The following PCDHGB5 variants were observed in gnomAD, a reference collection of about 807,000 sequenced individuals.
The protein encoded by PCDHGB5 is protocadherin gamma-B5.
PCDHGB5 carries 48 observed loss-of-function variants against 62.9 expected under a neutral mutation model. The ratio of observed to expected loss-of-function variants is 0.76; its 90% CI spans 0.61 to 0.97. The LOEUF (loss-of-function observed/expected upper bound fraction) is 0.97. PCDHGB5 is among the 50% of genes least tolerant of loss of function. The probability of loss-of-function intolerance (pLI) is 0.00; values close to 1 mark genes in which losing one functional copy is unlikely to be tolerated. For missense variants in PCDHGB5, 1,118 were observed against 1,198.6 expected (o/e 0.93, Z 0.99); for synonymous variants, 474 against 511.2 (o/e 0.93, Z 0.98).
At position 141,487,790 on chromosome 5, in the gene PCDHGB5, C is replaced by T. The variant is rs1360781901; in HGVS notation, c.2398-7017C>T. 6.6e-7 allele frequency: 1 copy of T among 1,511,992 alleles called. No individual in the cohort carries two copies. Among genetic ancestry groups the T allele is most frequent in the Non-Finnish European group, 8.9e-7 (1 of 1,120,458 alleles). The allele number at this position is 1,511,992 out of a possible 1,614,324, so 93.7% of individuals were successfully genotyped here. ...GCTTTGTAACTGTTTCGTGAATTAA[C>T]CAGAGTTGTCACAGTTTAGCATTGG... On this transcript the variant is annotated intron_variant, in intron 1 of 3. Coordinates refer to ENST00000617380, the MANE Select transcript of PCDHGB5 (RefSeq NM_018925.3). This position sits in a 1 kb window ranked among gnomAD's most constrained non-coding sequence, Gnocchi z 5.0.
At chr5:141,421,296 G>C in intron 1 of PCDHGB5, 1 of 1,613,444 alleles carries the variant, frequency 6.2e-7, no homozygotes, top group Non-Finnish European at 8.5e-7. Context: ...TCCTGGGGAC[G>C]CTGCGGGGGT....
intron 1 of PCDHGB5, chr5:141,427,176 G>A (rs777424789): frequency 2.2e-6 from 1 of 456,742 alleles, no homozygotes; most frequent in Non-Finnish European, 4.4e-6. Context: ...TCAAAATGGG[G>A]AAATTAAATC....
chr5:141,476,062 A>G lies in PCDHGB5; in HGVS notation c.2398-18745A>G, dbSNP rs2099384587. On this transcript the variant is annotated intron_variant, in intron 1 of 3. Coordinates refer to ENST00000617380, the MANE Select transcript of PCDHGB5 (RefSeq NM_018925.3). This position sits in a 1 kb window ranked among gnomAD's most constrained non-coding sequence, Gnocchi z 7.6. ...AGCGCTAACCCGCTGAAAGTTTCTC[A>G]GCGAAATCTCAGGGACGATCTGGAC... The G allele has an allele frequency of 1.8e-5, 27 of 1,509,766 alleles. No individual in the cohort carries two copies. Among genetic ancestry groups the G allele is most frequent in the Non-Finnish European group, 2.3e-5 (26 of 1,136,920 alleles). The allele number at this position is 1,509,766 out of a possible 1,614,324, so 93.5% of individuals were successfully genotyped here.
chr5:141,420,364 A>G (rs942479456), intron 1 of PCDHGB5: 8 of 1,368,440 alleles, frequency 5.8e-6, no homozygotes, highest in African/African-American at 3.0e-5. Flanking sequence ...ATTCTAGATA[A>G]CTTCTTCATA....
At position 141,464,036 on chromosome 5, in the gene PCDHGB5, G is replaced by A. The variant is rs907276618; in HGVS notation, c.2398-30771G>A. On this transcript the variant is annotated intron_variant, in intron 1 of 3. Coordinates refer to ENST00000617380, the MANE Select transcript of PCDHGB5 (RefSeq NM_018925.3). ...ATCCCACACTTTGGGAGGCCAAGGC[G>A]GGTGGATCACCTGAGGTCAGGAGTT... Among the ~76,000 whole-genome samples the A allele has an allele frequency of 2.6e-5, 4 of 152,096 alleles. No individual in the cohort carries two copies. The East Asian group carries it at 5.8e-4, about 22-fold the overall frequency.
intron 1 of PCDHGB5, among the ~76,000 whole-genome samples, chr5:141,425,111 A>G (rs2096857405): frequency 6.6e-6 from 1 of 152,144 alleles, no homozygotes; most frequent in Admixed American, 6.5e-5. Context: ...AGATGCCTAC[A>G]TTTTTCTTGA....
chr5:141,433,358 C>CGTAT, intron 1 of PCDHGB5: 1 of 503,368 alleles, frequency 2.0e-6, no homozygotes, highest in Non-Finnish European at 3.5e-6. Context: ...CTACTGTCTG[C>CGTAT]CTATCTATCT....
chr5:141,402,352 T>G (rs949706048), intron 1 of PCDHGB5, among the ~76,000 whole-genome samples: 1 of 151,978 alleles, frequency 6.6e-6, no homozygotes, highest in Non-Finnish European at 1.5e-5. Flanking sequence ...AAATTAAAAA[T>G]GAATGTACTT....
intron 1 of PCDHGB5, among the ~76,000 whole-genome samples, chr5:141,465,094 G>GT (rs138941665): frequency 0.11 from 15,577 of 148,094 alleles, 909 homozygotes; most frequent in African/African-American, 0.15. Flanking sequence ...TTTTCTAGTA[G>GT]TTTTTTTTTT....
chr5:141,402,098 C>G (rs2094224797), intron 1 of PCDHGB5, among the ~76,000 whole-genome samples: 1 of 152,048 alleles, frequency 6.6e-6, no homozygotes, highest in Non-Finnish European at 1.5e-5. Context: ...AAAGTTTAAG[C>G]AATTACAAAA....
At chr5:141,501,600 C>G (rs1320824291) in intron 2 of PCDHGB5, among the ~76,000 whole-genome samples, 1 of 152,040 alleles carries the variant, frequency 6.6e-6, no homozygotes, top group Admixed American at 6.6e-5. Flanking sequence ...TCTACCAGTT[C>G]CAGCTGTGTG....
chr5:141,405,149 G>T (rs1469979881), intron 1 of PCDHGB5: 4 of 1,614,038 alleles, frequency 2.5e-6, no homozygotes, highest in Non-Finnish European at 3.4e-6. Context: ...TGATGGGTTG[G>T]CTGGTGTGCC....
chr5:141,414,635 A>G (rs753834653), intron 1 of PCDHGB5: 72 of 1,613,866 alleles, frequency 4.5e-5, no homozygotes, highest in Admixed American at 2.0e-4. Flanking sequence ...GACAGCAAAG[A>G]GAATGCCCAG....
intron 1 of PCDHGB5, chr5:141,428,221 G>T (rs1314522513): frequency 1.0e-5 from 12 of 1,177,166 alleles, no homozygotes; most frequent in East Asian, 4.9e-5. Context: ...CCTAGTCTTC[G>T]CAGACAGCCT....
At position 141,489,078 on chromosome 5, in the gene PCDHGB5, G is replaced by A. The variant is rs990356560; in HGVS notation, c.2398-5729G>A. ...GCTCCCCTCCCCCCTGCCCACCCCC[G>A]CCACTCGGTGACTAAGAACTGCTGC... On this transcript the variant is annotated intron_variant, in intron 1 of 3. Transcript: ENST00000617380. The surrounding 1 kb of genome is among the most constrained non-coding windows in gnomAD (Gnocchi z 4.5). 6.9e-5 allele frequency: 11 copies of A among 160,224 alleles called. 1 individual carries two copies. Among genetic ancestry groups the A allele is most frequent in the Admixed American group, 3.7e-4 (4 of 10,708 alleles). The allele number at this position is 160,224 out of a possible 1,614,324, so 9.9% of individuals were successfully genotyped here.
At chr5:141,419,204 G>A (rs1291977951) in intron 1 of PCDHGB5, 1 of 1,613,798 alleles carries the variant, frequency 6.2e-7, no homozygotes, top group Non-Finnish European at 8.5e-7. Flanking sequence ...CAATGACAAC[G>A]CGCCGGTTTT....
At chr5:141,438,630 A>T (rs1232206839) in intron 1 of PCDHGB5, among the ~76,000 whole-genome samples, 1 of 38,920 alleles carries the variant, frequency 2.6e-5, no homozygotes, top group East Asian at 8.1e-4. Context: ...ATATATATAT[A>T]TATATACACA....
At chr5:141,435,446 G>C (rs889481920) in intron 1 of PCDHGB5, among the ~76,000 whole-genome samples, 5 of 152,060 alleles carry the variant, frequency 3.3e-5, no homozygotes, top group African/African-American at 2.4e-5. Context: ...TCATTAATAC[G>C]ATATCTGTAT....
rs776737236 is a variant in PCDHGB5, at chr5:141,431,439, G to T, written c.2397+30915G>T. 20 of 1,613,724 alleles carry T rather than the reference G, an allele frequency of 1.2e-5. No individual in the cohort carries two copies. The highest frequency in any genetic ancestry group is 4.5e-5 in the East Asian group (2 of 44,888). Reference sequence around the variant, plus strand: ...GACCCGGTGCGCACAGGCACCGCGCGCATCCGCGTGATGGTTCTGGATGCG... The same window carrying T: ...GACCCGGTGCGCACAGGCACCGCGCTCATCCGCGTGATGGTTCTGGATGCG... On this transcript the variant is annotated intron_variant, in intron 1 of 3. Coordinates refer to ENST00000617380, the MANE Select transcript of PCDHGB5 (RefSeq NM_018925.3). This position sits in a 1 kb window ranked among gnomAD's most constrained non-coding sequence, Gnocchi z 4.8.
Sources: gnomAD v4.1 joint callset for allele counts (sites outside exome capture counted in the v4.1 genomes callset) on GRCh38, gnomAD v4.1.1 for gene constraint, Gnocchi (gnomAD v3.1) non-coding constraint, MANE v1.5 for transcripts, NCBI Gene and HGNC (gene_info 2026-07-23, HGNC 2026-07-21) for gene names.